The following TAFA2 variants were observed in gnomAD, a reference collection of about 807,000 sequenced individuals.
The protein encoded by TAFA2 is chemokine-like protein TAFA-2.
A neutral mutation model predicts 18.8 loss-of-function variants in TAFA2; 7 were observed. That is an observed-to-expected ratio of 0.37 (90% CI 0.21 to 0.70). The LOEUF (loss-of-function observed/expected upper bound fraction) is 0.70. Ranked by LOEUF, TAFA2 falls within the 30% of genes least tolerant of loss-of-function variation. The pLI is 0.53. For synonymous variants in TAFA2, 60 were observed against 54.2 expected (o/e 1.11, Z -0.47); for missense variants, 122 against 158.1 (o/e 0.77, Z 1.23).
intron 4 of TAFA2, among the ~76,000 whole-genome samples, chr12:61,716,567 A>T (rs781236652): frequency 6.6e-6 from 1 of 152,158 alleles, no homozygotes; most frequent in Non-Finnish European, 1.5e-5. Context: ...ATCTTATATG[A>T]TATTAGCTTA....
At chr12:62,213,134 C>T (rs937226047) in intron 1 of TAFA2, among the ~76,000 whole-genome samples, 9 of 152,198 alleles carry the variant, frequency 5.9e-5, no homozygotes, top group African/African-American at 2.2e-4. Context: ...GGCAGCTGCT[C>T]ATATACCCCA....
At chr12:61,804,480 T>C (rs1871528687) in intron 2 of TAFA2, among the ~76,000 whole-genome samples, 1 of 152,014 alleles carries the variant, frequency 6.6e-6, no homozygotes, top group Non-Finnish European at 1.5e-5. Flanking sequence ...TTCAACTAGC[T>C]CCTACTGACA....
chr12:61,721,476 T>C (rs1022616838), intron 4 of TAFA2, among the ~76,000 whole-genome samples: 82 of 152,280 alleles, frequency 5.4e-4, no homozygotes, highest in Admixed American at 2.2e-3. Flanking sequence ...TTAAGGGTGA[T>C]AAATGGAACC....
chr12:62,170,228 G>T (rs921919584), intron 1 of TAFA2, among the ~76,000 whole-genome samples: 27 of 152,118 alleles, frequency 1.8e-4, no homozygotes, highest in African/African-American at 6.0e-4. Flanking sequence ...GAAACTATAT[G>T]TTGAGGTCCA....
chr12:62,012,388 T>TAC (rs1880799367), intron 1 of TAFA2, among the ~76,000 whole-genome samples: 1 of 146,684 alleles, frequency 6.8e-6, no homozygotes, highest in African/African-American at 2.5e-5. Flanking sequence ...GACACGTATA[T>TAC]CATCTTTCTC....
At chr12:62,194,951 C>T (rs1338955034), upstream of TAFA2, among the ~76,000 whole-genome samples, 2 of 152,070 alleles carry the variant, frequency 1.3e-5, no homozygotes, top group African/African-American at 2.4e-5. Flanking sequence ...TGGTTTAATG[C>T]TTTTTTTAAA....
At chr12:62,051,681 C>G (rs891030893) in intron 1 of TAFA2, among the ~76,000 whole-genome samples, 2 of 151,686 alleles carry the variant, frequency 1.3e-5, no homozygotes, top group Non-Finnish European at 2.9e-5. Context: ...GCGACAGGAA[C>G]TATGCATACC....
intron 1 of TAFA2, among the ~76,000 whole-genome samples, chr12:62,186,494 G>A (rs2136956799): frequency 6.6e-6 from 1 of 152,216 alleles, no homozygotes; most frequent in Non-Finnish European, 1.5e-5. Context: ...TTGCTAGAAT[G>A]CAACATTATC....
At chr12:62,178,899 T>A (rs1026040088) in intron 1 of TAFA2, among the ~76,000 whole-genome samples, 8 of 152,192 alleles carry the variant, frequency 5.3e-5, no homozygotes, top group African/African-American at 1.9e-4. Context: ...TCTGAGACAC[T>A]TGTAGAGAAT....
intron 1 of TAFA2, among the ~76,000 whole-genome samples, chr12:62,213,088 C>A (rs1366966857): frequency 6.6e-6 from 1 of 152,182 alleles, no homozygotes; most frequent in Non-Finnish European, 1.5e-5. Context: ...CCGGGAGCCA[C>A]TATAAATGCC....
upstream of TAFA2, among the ~76,000 whole-genome samples, chr12:62,193,032 G>C (rs1427012484): frequency 6.6e-6 from 1 of 152,214 alleles, no homozygotes; most frequent in Non-Finnish European, 1.5e-5. Flanking sequence ...CAAAGCCCTT[G>C]CTAAAGGAAC....
chr12:61,724,806 C>T (rs1310083942), intron 4 of TAFA2, among the ~76,000 whole-genome samples: 1 of 131,732 alleles, frequency 7.6e-6, no homozygotes, highest in Non-Finnish European at 1.6e-5. Flanking sequence ...TGTGTGTATA[C>T]ACCAGATGGG....
chr12:62,215,074 G>T (rs769427693), intron 1 of TAFA2, among the ~76,000 whole-genome samples: 10 of 152,202 alleles, frequency 6.6e-5, no homozygotes, highest in Non-Finnish European at 4.4e-5. Context: ...ACCTAAGAGA[G>T]AGTACTAAGA....
intron 1 of TAFA2, among the ~76,000 whole-genome samples, chr12:61,916,294 C>A (rs1388886488): frequency 2.0e-5 from 3 of 152,204 alleles, no homozygotes; most frequent in East Asian, 3.8e-4. Flanking sequence ...TGACTTTCTG[C>A]AAGTTAATTA....
intron 1 of TAFA2, among the ~76,000 whole-genome samples, chr12:61,963,895 A>G (rs1027728220): frequency 2.0e-5 from 3 of 152,034 alleles, no homozygotes; most frequent in African/African-American, 7.2e-5. Flanking sequence ...AGACCAATGG[A>G]ACAGAACAGA....
chr12:62,121,147 C>G (rs1565751423), intron 1 of TAFA2, among the ~76,000 whole-genome samples: 2 of 152,152 alleles, frequency 1.3e-5, no homozygotes, highest in Admixed American at 1.3e-4. Context: ...AATCTCTCCT[C>G]ACCTCAAGGT....
chr12:61,801,868 G>C (rs1055935714), intron 2 of TAFA2, among the ~76,000 whole-genome samples: 1 of 151,878 alleles, frequency 6.6e-6, no homozygotes, highest in Non-Finnish European at 1.5e-5. Flanking sequence ...CATCCAACAA[G>C]GGTCTAATAT....
intron 2 of TAFA2, among the ~76,000 whole-genome samples, chr12:61,839,051 G>T (rs1873060277): frequency 6.6e-6 from 1 of 152,050 alleles, no homozygotes; most frequent in Non-Finnish European, 1.5e-5. Context: ...AAACGGTGGA[G>T]TATTTCCTCA....
At chr12:62,159,541 G>C (rs922649503) in intron 1 of TAFA2, among the ~76,000 whole-genome samples, 1 of 152,128 alleles carries the variant, frequency 6.6e-6, no homozygotes, top group Non-Finnish European at 1.5e-5. Flanking sequence ...CTAAATAAAT[G>C]CTTGCATTTT....
Sources: allele counts gnomAD v4.1 joint callset (sites outside exome capture counted in the v4.1 genomes callset), GRCh38; gene constraint gnomAD v4.1.1; transcripts MANE v1.5; gene names NCBI Gene and HGNC (gene_info 2026-07-23, HGNC 2026-07-21).